The following ZNF573 variants were observed in gnomAD, a reference collection of about 807,000 sequenced individuals.
ZNF573 encodes the protein zinc finger protein 573.
In ZNF573, 41 loss-of-function variants were observed where a neutral mutation model predicts 57.4. The ratio of observed to expected loss-of-function variants is 0.71; its 90% CI spans 0.56 to 0.93. ZNF573 has a LOEUF of 0.93. Among genes scored for constraint, ZNF573 ranks in the 40% least tolerant of loss-of-function variants. The pLI, the probability that ZNF573 is intolerant of heterozygous loss-of-function variation, is 0.00. For synonymous variants in ZNF573, 249 were observed against 261.0 expected (o/e 0.95, Z 0.44); for missense variants, 730 against 794.8 (o/e 0.92, Z 0.98).
chr19:37,772,598 C>T (rs948345600), intron 2 of ZNF573, among the ~76,000 whole-genome samples: 4 of 151,536 alleles, frequency 2.6e-5, no homozygotes, highest in East Asian at 1.9e-4. Flanking sequence ...AGACTTACTC[C>T]GTCGTTAATC....
chr19:37,776,977 C>A (rs2045714533), intron 1 of ZNF573, among the ~76,000 whole-genome samples: 1 of 152,024 alleles, frequency 6.6e-6, no homozygotes, highest in African/African-American at 2.4e-5. Flanking sequence ...TTTAAAAAAT[C>A]AAAAGATAAT....
intron 2 of ZNF573, among the ~76,000 whole-genome samples, 178 bp from the exon 3 acceptor site, chr19:37,771,874 T>C (rs894193723): frequency 9.9e-5 from 15 of 152,154 alleles, no homozygotes; most frequent in East Asian, 5.8e-4. Context: ...ATCCTATTCC[T>C]AAAGGATCCT....
intron 4 of ZNF573, among the ~76,000 whole-genome samples, chr19:37,765,580 C>T (rs1019518259): frequency 1.3e-5 from 2 of 152,068 alleles, no homozygotes; most frequent in African/African-American, 2.4e-5. Flanking sequence ...TGTGGTGGCA[C>T]GTGCCTGTAA....
At chr19:37,750,831 C>CA (rs537735677) in intron 4 of ZNF573, among the ~76,000 whole-genome samples, 35,639 of 98,028 alleles carry the variant, frequency 0.36, 5,975 homozygotes, top group Non-Finnish European at 0.46. Context: ...GACCCAGTCT[C>CA]AAAAAAAAAA....
chr19:37,757,521 ACT>A (rs2145304721), intron 4 of ZNF573, among the ~76,000 whole-genome samples: 1 of 152,070 alleles, frequency 6.6e-6, no homozygotes, highest in East Asian at 1.9e-4. Context: ...GATGTCATAG[ACT>A]CAGCCCCATC....
chr19:37,753,746 A>C (rs2045461076), intron 4 of ZNF573, among the ~76,000 whole-genome samples: 1 of 152,198 alleles, frequency 6.6e-6, no homozygotes, highest in Non-Finnish European at 1.5e-5. Context: ...AAAAATTTTT[A>C]TAGTTGCCAG....
chr19:37,777,651 A>G (rs895334759), intron 1 of ZNF573, among the ~76,000 whole-genome samples: 1 of 151,670 alleles, frequency 6.6e-6, no homozygotes, highest in Non-Finnish European at 1.5e-5. Context: ...GAGGCAGGGG[A>G]ATTGCTTGAA....
rs1158500273 is a variant in ZNF573, at chr19:37,765,125, T to C, written c.295+4880A>G. On this transcript the variant is annotated intron_variant, in intron 4 of 4. Coordinates refer to ENST00000536220, the MANE Select transcript of ZNF573 (RefSeq NM_001172690.2). ...TTCACCATGTTGGCCAGGCTGGTCT[T>C]GAACTCCTGACCTCAGGCTGGCCTC... Among the ~76,000 whole-genome samples the C allele has an allele frequency of 4.6e-5, 7 of 151,772 alleles. No individual in the cohort carries two copies. In the South Asian group the frequency reaches 8.3e-4, roughly 18 times the overall value.
At chr19:37,773,976 T>C (rs1003016158) in intron 1 of ZNF573, among the ~76,000 whole-genome samples, 1 of 152,014 alleles carries the variant, frequency 6.6e-6, no homozygotes, top group Admixed American at 6.6e-5. Flanking sequence ...CCAGACAAGA[T>C]AGCAAGAGGT....
intron 4 of ZNF573, among the ~76,000 whole-genome samples, chr19:37,745,455 T>C (rs1015697969): frequency 1.5e-4 from 23 of 152,040 alleles, no homozygotes; most frequent in Non-Finnish European, 3.4e-4. Flanking sequence ...TGGAGTGCAG[T>C]GACACGATCT....
Position 37,738,495 on chromosome 19 carries a change from C to T in ZNF573, c.1995G>A (p.Val665=), listed in dbSNP as rs373800318. 4 of 1,527,690 alleles carry T rather than the reference C, an allele frequency of 2.6e-6. No individual in the cohort carries two copies. Among genetic ancestry groups the T allele is most frequent in the Non-Finnish European group, 3.5e-6 (4 of 1,141,840 alleles). 94.6% of individuals were successfully genotyped at this position (1,527,690 alleles called of 1,614,324 possible). Residue 665 remains valine, a synonymous_variant, in exon 5 of 5, where the codon GTG becomes GTA. Coordinates refer to ENST00000536220, the MANE Select transcript of ZNF573 (RefSeq NM_001172690.2). ...CGCGCTCGTACTCTTTACGGTCTTA[C>T]ACTTTTATGCTCCTATGAATTCTCT... ...AHQRIHRSIK[V] is the part of the protein sequence containing the mutation.
At chr19:37,741,426 T>C (rs979906036) in intron 4 of ZNF573, among the ~76,000 whole-genome samples, 26 of 152,222 alleles carry the variant, frequency 1.7e-4, no homozygotes, top group African/African-American at 6.0e-4. Context: ...ACACCACACC[T>C]GGCTAATTTT....
intron 4 of ZNF573, among the ~76,000 whole-genome samples, chr19:37,750,557 T>A (rs1307974435): frequency 3.9e-5 from 6 of 151,984 alleles, no homozygotes; most frequent in Admixed American, 3.9e-4. Context: ...TTCAACATAG[T>A]ACAGAATAAT....
In ZNF573 at chr19:37,748,469, C is replaced by T. The variant is rs73623438; in HGVS notation, c.296-8275G>A. Among the ~76,000 whole-genome samples, 300 of 148,940 alleles carry T rather than the reference C, an allele frequency of 2.0e-3. 1 individual carries two copies. Among genetic ancestry groups the T allele is most frequent in the African/African-American group, 7.3e-3 (281 of 38,444 alleles). ...AGAAAACAAACAAAAACGATCATTA[C>T]GCACTACTTCTGCAATATTCTTGGC... On this transcript the variant is annotated intron_variant, in intron 4 of 4. Coordinates refer to ENST00000536220, the MANE Select transcript of ZNF573 (RefSeq NM_001172690.2).
intron 4 of ZNF573, chr19:37,740,563 C>T (rs2045317968): frequency 2.2e-6 from 1 of 460,978 alleles, no homozygotes; most frequent in Non-Finnish European, 4.3e-6. Context: ...TTTAAGAATA[C>T]ATCCTTTAAG....
chr19:37,739,143 T>A lies in ZNF573; in HGVS notation c.1347A>T (p.Lys449Asn). 1 of 1,613,164 alleles carries A rather than the reference T, an allele frequency of 6.2e-7. No individual in the cohort carries two copies. The highest frequency in any genetic ancestry group is 8.5e-7 in the Non-Finnish European group (1 of 1,179,760). The change falls in exon 5 of 5, where the codon AAA (lysine) becomes AAT (asparagine). Residue 449 changes from lysine (K) to asparagine (N), a missense_variant. Transcript: ENST00000536220. The stretch of plus-strand genomic sequence containing the variant: ...TAAGATTTCTATACAAAGTAAAGGT[T>A]TTTTTACACTCCTTACATTCAAAGT... ...MKHFECKECK[K>N]TFTLYRNLTR...
At chr19:37,743,701 C>A (rs971480320) in intron 4 of ZNF573, among the ~76,000 whole-genome samples, 69 of 152,148 alleles carry the variant, frequency 4.5e-4, no homozygotes, top group Middle Eastern at 3.2e-3. Context: ...ACGTTTACTG[C>A]AGCACTATTT....
intron 1 of ZNF573, among the ~76,000 whole-genome samples, chr19:37,774,431 G>A (rs78576034): frequency 2.5e-4 from 38 of 152,048 alleles, no homozygotes; most frequent in African/African-American, 8.7e-4. Flanking sequence ...ATGTGCTACC[G>A]CGCCTGGCCT....
At chr19:37,743,348 A>G (rs1051694474) in intron 4 of ZNF573, among the ~76,000 whole-genome samples, 5 of 151,504 alleles carry the variant, frequency 3.3e-5, no homozygotes, top group African/African-American at 1.2e-4. Flanking sequence ...GAAGAAGAAG[A>G]AGACATTTAT....
Sources: allele counts gnomAD v4.1 joint callset (sites outside exome capture counted in the v4.1 genomes callset), GRCh38; gene constraint gnomAD v4.1.1; transcripts MANE v1.5; gene names NCBI Gene and HGNC (gene_info 2026-07-23, HGNC 2026-07-21).